The following TNKS variants were observed in gnomAD, a reference collection of about 807,000 sequenced individuals.
TNKS encodes tankyrase.
TNKS carries 72 observed loss-of-function variants against 135.8 expected under a neutral mutation model. That is an observed-to-expected ratio of 0.53 (90% CI 0.44 to 0.64). TNKS has a LOEUF of 0.64. TNKS is among the 30% of genes least tolerant of loss of function. TNKS has a pLI of 0.00. For missense variants in TNKS, 1,769 were observed against 1,674.0 expected, an observed-to-expected ratio of 1.06 and a Z score of -0.99; for synonymous variants, 849 against 649.3, an observed-to-expected ratio of 1.31 and a Z score of -4.68.
intron 1 of TNKS, among the ~76,000 whole-genome samples, chr8:9,571,374 A>G (rs1338008114): frequency 6.6e-6 from 1 of 152,180 alleles, no homozygotes; most frequent in Non-Finnish European, 1.5e-5. Context: ...AAGTAAAGGA[A>G]TTGTAGTTTG....
chr8:9,616,552 CTTGT>C (rs1487873999), intron 3 of TNKS, among the ~76,000 whole-genome samples: 9 of 152,186 alleles, frequency 5.9e-5, no homozygotes, highest in African/African-American at 2.2e-4. Context: ...ATATTTTGTT[CTTGT>C]TTAAGTTTAG....
chr8:9,578,148 C>G (rs904992196), intron 1 of TNKS, among the ~76,000 whole-genome samples: 1 of 152,180 alleles, frequency 6.6e-6, no homozygotes, highest in African/African-American at 2.4e-5. Flanking sequence ...AGTCAGCTCC[C>G]ATGGCTGCTC....
intron 3 of TNKS, 138 bp from the exon 4 acceptor site, chr8:9,679,813 G>A (rs760909472): frequency 1.4e-5 from 9 of 633,196 alleles, no homozygotes; most frequent in Admixed American, 5.2e-5. Context: ...GCTGGCTAAC[G>A]TCACGGCTCC....
chr8:9,711,821 G>C lies in TNKS; in HGVS notation c.1749+1601G>C, dbSNP rs372947182. Among the ~76,000 whole-genome samples, 10 of 152,220 alleles carry C rather than the reference G, an allele frequency of 6.6e-5. No homozygotes were observed. The East Asian group carries it at 1.5e-3, about 24-fold the overall frequency. On this transcript the variant is annotated intron_variant, in intron 11 of 26. Transcript: ENST00000310430. ...ATTTTTAGAAAATGTTCACTTTTCT[G>C]TGATTTTGCTGAAAAATGATATAAA...
chr8:9,577,878 G>GTTAGTTAGT (rs1798013796), intron 1 of TNKS, among the ~76,000 whole-genome samples: 1 of 152,222 alleles, frequency 6.6e-6, no homozygotes, highest in Non-Finnish European at 1.5e-5. Flanking sequence ...CCTTCTGCCT[G>GTTAGTTAGT]TAAAATCAAA....
chr8:9,577,186 A>G (rs1226409408), intron 1 of TNKS, among the ~76,000 whole-genome samples: 1 of 152,108 alleles, frequency 6.6e-6, no homozygotes, highest in African/African-American at 2.4e-5. Flanking sequence ...GTTGAAAATG[A>G]AAATTGGTAG....
At chr8:9,573,969 A>T (rs1347519178) in intron 1 of TNKS, among the ~76,000 whole-genome samples, 4 of 152,212 alleles carry the variant, frequency 2.6e-5, no homozygotes, top group African/African-American at 7.2e-5. Flanking sequence ...ACAATGCTGA[A>T]CATAAGTGAA....
At chr8:9,717,848 T>G (rs372450328) in intron 11 of TNKS, among the ~76,000 whole-genome samples, 1 of 152,162 alleles carries the variant, frequency 6.6e-6, no homozygotes, top group South Asian at 2.1e-4. Context: ...TTTCTGTTGG[T>G]GGTGGCAGCC....
chr8:9,765,806 C>T lies in TNKS; in HGVS notation c.3553+9C>T, dbSNP rs781743653. ...GCGCATGTTGTTTCATGGTAAGCAG[C>T]GTGGCAGGGACGGTGGACGTCTCCC... is the stretch of plus-strand genomic sequence containing the variant. On this transcript the variant is annotated intron_variant, in intron 24 of 26. Coordinates refer to ENST00000310430, the MANE Select transcript of TNKS (RefSeq NM_003747.3). The T allele has an allele frequency of 1.4e-5, 23 of 1,611,038 alleles. No individual in the cohort carries two copies. Among genetic ancestry groups the T allele is most frequent in the African/African-American group, 1.1e-4 (8 of 74,826 alleles).
chr8:9,744,274 G>A (rs1806122832), intron 17 of TNKS, among the ~76,000 whole-genome samples: 1 of 152,120 alleles, frequency 6.6e-6, no homozygotes, highest in African/African-American at 2.4e-5. Flanking sequence ...TCAGTAAATG[G>A]CATTGATACT....
In TNKS at chr8:9,580,311, A is replaced by G; in HGVS notation, c.826A>G (p.Asn276Asp). Residue 276 changes from asparagine to aspartate, a missense_variant, in exon 2 of 27, where the codon AAT becomes GAT. Asn to Asp is a conservative substitution (Grantham distance 23, BLOSUM62 1). This residue lies in a region of TNKS where 523 missense variants were observed against 541.0 expected (regional missense o/e 0.97). Coordinates refer to ENST00000310430, the MANE Select transcript of TNKS (RefSeq NM_003747.3). ...GTTATTGTGCCAAGGAGCTGATCCA[A>G]ATGCCAGGGATAACTGGAACTATAC... The part of the protein sequence containing the change: ...SLLLCQGADP[N>D]ARDNWNYTPL... The G allele has an allele frequency of 1.2e-6, 2 of 1,614,178 alleles. No individual in the cohort carries two copies. The highest frequency in any genetic ancestry group is 1.7e-6 in the Non-Finnish European group (2 of 1,180,022).
At chr8:9,653,841 T>C (rs1195527212) in intron 3 of TNKS, among the ~76,000 whole-genome samples, 1 of 152,160 alleles carries the variant, frequency 6.6e-6, no homozygotes, top group Non-Finnish European at 1.5e-5. Flanking sequence ...CCTTTCCCTT[T>C]CTGATCTTTC....
intron 2 of TNKS, among the ~76,000 whole-genome samples, chr8:9,593,038 G>A (rs940177086): frequency 6.6e-6 from 1 of 152,190 alleles, no homozygotes; most frequent in South Asian, 2.1e-4. Flanking sequence ...TTCCACAAAG[G>A]ATAGTAAAAC....
At chr8:9,705,862 G>C (rs1188068919) in intron 6 of TNKS, among the ~76,000 whole-genome samples, 1 of 152,190 alleles carries the variant, frequency 6.6e-6, no homozygotes, top group Admixed American at 6.5e-5. Flanking sequence ...GAATATTTCA[G>C]TTCACTACCA....
At chr8:9,620,032 C>T (rs1799807436) in intron 3 of TNKS, among the ~76,000 whole-genome samples, 1 of 151,904 alleles carries the variant, frequency 6.6e-6, no homozygotes, top group South Asian at 2.1e-4. Flanking sequence ...TCACTGCAAC[C>T]TCCGCCTCCC....
chr8:9,692,736 C>T lies in TNKS; in HGVS notation c.1108-11927C>T, dbSNP rs116326190. Among the ~76,000 whole-genome samples the T allele has an allele frequency of 8.3e-3, 1,261 of 152,272 alleles. 23 individuals carry two copies. The highest frequency in any genetic ancestry group is 0.028 in the African/African-American group (1,171 of 41,548). The stretch of plus-strand genomic sequence containing the variant: ...CAGCTTTTTTCCTTTCATCTCACCT[C>T]GTTAATCAATATTTATTTTCCACAA... On this transcript the variant is annotated intron_variant, in intron 5 of 26. Transcript: ENST00000310430.
At chr8:9,616,787 T>C (rs1464298868) in intron 3 of TNKS, among the ~76,000 whole-genome samples, 1 of 152,248 alleles carries the variant, frequency 6.6e-6, no homozygotes, top group Non-Finnish European at 1.5e-5. Context: ...TACACTAGAG[T>C]AATAAACCTA....
intron 12 of TNKS, among the ~76,000 whole-genome samples, chr8:9,721,753 A>T (rs1028088496): frequency 2.0e-5 from 3 of 152,120 alleles, no homozygotes; most frequent in African/African-American, 7.2e-5. Context: ...CCAAAAATCT[A>T]TATAAAACGC....
chr8:9,770,905 G>A (rs1282153817), intron 26 of TNKS, among the ~76,000 whole-genome samples: 1 of 152,076 alleles, frequency 6.6e-6, no homozygotes, highest in Non-Finnish European at 1.5e-5. Flanking sequence ...GAGCACATGA[G>A]CGGATGTGTT....
Sources: allele counts gnomAD v4.1 joint callset (sites outside exome capture counted in the v4.1 genomes callset), GRCh38; gene constraint gnomAD v4.1.1; regional missense constraint gnomAD v4.1.1; transcripts MANE v1.5; gene names NCBI Gene and HGNC (gene_info 2026-07-23, HGNC 2026-07-21).